MBOAT4: variants seen among roughly 807,000 people sequenced by gnomAD.
The protein encoded by MBOAT4 is membrane-bound ghrelin O-acyltransferase MBOAT4.
In MBOAT4, 11 loss-of-function variants were observed where a neutral mutation model predicts 13.2. The ratio of observed to expected loss-of-function variants is 0.84; its 90% CI spans 0.53 to 1.38. The LOEUF is 1.38. Ranked by LOEUF, MBOAT4 falls within the 40% of genes most tolerant of loss-of-function variation. The pLI is 0.00. For missense variants in MBOAT4, 481 were observed against 527.2 expected (o/e 0.91, Z 0.86); for synonymous variants, 202 against 210.3 (o/e 0.96, Z 0.34).
At position 30,132,509 on chromosome 8, in the gene MBOAT4, C is replaced by A. The variant is rs1175283896; in HGVS notation, c.742G>T (p.Ala248Ser). Residue 248 changes from alanine to serine, a missense_variant, in exon 3 of 3, where the codon GCT becomes TCT. Ala to Ser is a moderately conservative substitution (Grantham distance 99). Coordinates refer to ENST00000320542, the MANE Select transcript of MBOAT4 (RefSeq NM_001100916.2). ...FECIYVVWTT[A>S]GLFKLTYYSH... is the part of the protein sequence containing the mutation. Reference sequence around the variant, plus strand: ...TAGTAGGTGAGCTTGAAAAGCCCAGCTGTGGTCCACACGACATAGATGCAC... The same window carrying A: ...TAGTAGGTGAGCTTGAAAAGCCCAGATGTGGTCCACACGACATAGATGCAC... The A allele has an allele frequency of 6.4e-7, 1 of 1,551,756 alleles. No homozygotes were observed. The highest frequency in any genetic ancestry group is 8.7e-7 in the Non-Finnish European group (1 of 1,147,020).
At chr8:30,134,929 G>C (rs1803106721) in intron 2 of MBOAT4, among the ~76,000 whole-genome samples, 1 of 152,014 alleles carries the variant, frequency 6.6e-6, no homozygotes, top group African/African-American at 2.4e-5. Flanking sequence ...ACCCAGGCTG[G>C]AGTGCAGTGG....
intron 1 of MBOAT4, among the ~76,000 whole-genome samples, chr8:30,142,683 G>A (rs1360927157): frequency 1.3e-5 from 2 of 152,120 alleles, no homozygotes; most frequent in Non-Finnish European, 2.9e-5. Context: ...TCACCCTAAG[G>A]TAACTCCATG....
chr8:30,144,638 T>C lies in MBOAT4; in HGVS notation c.-37A>G. The C allele has an allele frequency of 7.5e-7, 1 of 1,342,212 alleles. No homozygotes were observed. Among genetic ancestry groups the C allele is most frequent in the Non-Finnish European group, 1.0e-6 (1 of 970,302 alleles). The allele number at this position is 1,342,212 out of a possible 1,614,324, so 83.1% of individuals were successfully genotyped here. On this transcript the variant is annotated 5_prime_UTR_variant, in exon 1 of 3. Coordinates refer to ENST00000320542, the MANE Select transcript of MBOAT4 (RefSeq NM_001100916.2). Reference sequence around the variant, plus strand: ...ACAAAAGAGCCTGTCTTTTCCAGTGTCCTTAACTGATGCCTTCCTCCAAGA... The same window carrying C: ...ACAAAAGAGCCTGTCTTTTCCAGTGCCCTTAACTGATGCCTTCCTCCAAGA...
chr8:30,138,559 TACTC>T lies in MBOAT4; in HGVS notation c.313_316del (p.Glu105IlefsTer9). Reference sequence around the variant, plus strand: ...CACAGAAGGAGGCTCATGCAGATAATACTCAGTGTAGTGCAGACCTAGGTGACAC... The same window carrying T: ...CACAGAAGGAGGCTCATGCAGATAATAGTGTAGTGCAGACCTAGGTGACAC... On this transcript the variant is annotated frameshift_variant, in exon 2 of 3. Transcript: ENST00000320542. LOFTEE classifies it low-confidence loss of function (END_TRUNC). 1 of 1,551,278 alleles carries T rather than the reference TACTC, an allele frequency of 6.4e-7. No homozygotes were observed. The highest frequency in any genetic ancestry group is 8.7e-7 in the Non-Finnish European group (1 of 1,146,806).
At chr8:30,132,999 GAT>G in intron 2 of MBOAT4, 93 bp from the exon 3 acceptor site, 8 of 1,290,396 alleles carry the variant, frequency 6.2e-6, no homozygotes, top group African/African-American at 6.0e-5. Context: ...GCAGGAAATA[GAT>G]AGGTCTGTAC....
chr8:30,132,531 G>A lies in MBOAT4; in HGVS notation c.720C>T (p.Cys240=). The A allele has an allele frequency of 6.4e-7, 1 of 1,551,726 alleles. No individual in the cohort carries two copies. The highest frequency in any genetic ancestry group is 8.7e-7 in the Non-Finnish European group (1 of 1,146,996). The change falls in exon 3 of 3, where the codon TGC becomes TGT. Residue 240 remains cysteine (C), a synonymous_variant. Coordinates refer to ENST00000320542, the MANE Select transcript of MBOAT4 (RefSeq NM_001100916.2). ...AGLTDCQQFE[C]IYVVWTTAGL... is the part of the protein sequence containing the mutation. Reference sequence around the variant, plus strand: ...CAGCTGTGGTCCACACGACATAGATGCACTCGAATTGCTGGCAATCAGTCA... The same window carrying A: ...CAGCTGTGGTCCACACGACATAGATACACTCGAATTGCTGGCAATCAGTCA...
intron 2 of MBOAT4, chr8:30,137,363 C>T (rs1321371393): frequency 6.4e-7 from 1 of 1,551,566 alleles, no homozygotes; most frequent in African/African-American, 1.4e-5. Context: ...CCAGCAGCCG[C>T]CATGAGAAGA....
chr8:30,137,687 T>C (rs940029799), intron 2 of MBOAT4: 21 of 595,482 alleles, frequency 3.5e-5, no homozygotes, highest in Non-Finnish European at 5.7e-5. Flanking sequence ...TCCTTGTTCA[T>C]TCCCGGGACT....
At chr8:30,138,484 A>G in intron 2 of MBOAT4, 48 bp downstream of exon 2, 2 of 1,454,840 alleles carry the variant, frequency 1.4e-6, no homozygotes, top group African/African-American at 1.4e-5. Context: ...ACCGTGGTGC[A>G]AGCAAACTGT....
intron 1 of MBOAT4, among the ~76,000 whole-genome samples, chr8:30,142,782 T>A (rs1015123581): frequency 9.9e-5 from 15 of 152,152 alleles, no homozygotes; most frequent in Non-Finnish European, 1.0e-4. Flanking sequence ...GTCCCCCAAC[T>A]CCAATCTCCA....
chr8:30,136,860 G>A (rs1300841067), intron 2 of MBOAT4, among the ~76,000 whole-genome samples: 2 of 151,542 alleles, frequency 1.3e-5, no homozygotes, highest in Non-Finnish European at 2.9e-5. Context: ...GCTAATTTTT[G>A]TATTTTTAGC....
chr8:30,144,365 G>T, intron 1 of MBOAT4, 118 bp downstream of exon 1: 1 of 655,590 alleles, frequency 1.5e-6, no homozygotes, highest in Non-Finnish European at 2.6e-6. Context: ...CAAACCCCTG[G>T]CCTCAAGTGA....
rs1429546515 is a variant in MBOAT4, at chr8:30,132,725, G to GGAGA, written c.522_525dup (p.Leu176SerfsTer60). 17 of 1,551,690 alleles carry GGAGA rather than the reference G, an allele frequency of 1.1e-5. No homozygotes were observed. The highest frequency in any genetic ancestry group is 1.5e-5 in the Non-Finnish European group (17 of 1,147,010). On this transcript the variant is annotated frameshift_variant, in exon 3 of 3. Transcript: ENST00000320542. LOFTEE classifies it low-confidence loss of function (END_TRUNC). ...TGGAAGGAGCACAGAGAGCCTCCCA[G>GGAGA]GAGAGCAGGGAAAAAGAGCAAGTAG...
At chr8:30,138,329 T>A in intron 2 of MBOAT4, 1 of 502,808 alleles carries the variant, frequency 2.0e-6, no homozygotes, top group Non-Finnish European at 3.6e-6. Flanking sequence ...TTCACAACAA[T>A]CTTGCAACAC....
chr8:30,136,989 A>G (rs1266531111), intron 2 of MBOAT4, among the ~76,000 whole-genome samples: 1 of 152,048 alleles, frequency 6.6e-6, no homozygotes, highest in Non-Finnish European at 1.5e-5. Context: ...TGCCTGGCTG[A>G]AAATAGTCTT....
chr8:30,139,634 G>A lies in MBOAT4; in HGVS notation c.120-878C>T, dbSNP rs760255451. Among the ~76,000 whole-genome samples the A allele has an allele frequency of 9.8e-4, 149 of 152,244 alleles. 1 individual carries two copies. Among genetic ancestry groups the A allele is most frequent in the Non-Finnish European group, 8.5e-4 (58 of 68,020 alleles). On this transcript the variant is annotated intron_variant, in intron 1 of 2. Transcript: ENST00000320542. ...TGCACTTTAAGATCTTATGAGTTAG[G>A]ATTTTGTTTTGTTTTATTAAAGTTT...
chr8:30,138,939 C>T (rs1803211073), intron 1 of MBOAT4, among the ~76,000 whole-genome samples, 183 bp from the exon 2 acceptor site: 1 of 151,148 alleles, frequency 6.6e-6, no homozygotes, highest in Admixed American at 6.6e-5. Context: ...GGAGAAGGAG[C>T]CAGGGTAAAT....
chr8:30,132,570 A>C lies in MBOAT4; in HGVS notation c.681T>G (p.Asp227Glu). The C allele has an allele frequency of 6.4e-7, 1 of 1,551,742 alleles. No homozygotes were observed. Among genetic ancestry groups the C allele is most frequent in the Non-Finnish European group, 8.7e-7 (1 of 1,146,998 alleles). The change falls in exon 3 of 3, where the codon GAT (aspartate) becomes GAG (glutamate). Residue 227 changes from aspartate (D) to glutamate (E), a missense_variant. Transcript: ENST00000320542. The part of the protein sequence containing the change: ...CLNVAVSRVV[D>E]AGAGLTDCQQ... Reference sequence around the variant, plus strand: ...GGCAATCAGTCAGTCCCGCTCCTGCATCCACCACCCTGCTCACTGCCACGT... The same window carrying C: ...GGCAATCAGTCAGTCCCGCTCCTGCCTCCACCACCCTGCTCACTGCCACGT...
chr8:30,144,475 C>A lies in MBOAT4; in HGVS notation c.119+8G>T, dbSNP rs1803316381. ...GGATGTAAGAGTAAAAATAGCCATC[C>A]AGCCTACCTGGCACGAGTGGAGAAT... On this transcript the variant is annotated splice_region_variant and intron_variant, in intron 1 of 2. Coordinates refer to ENST00000320542, the MANE Select transcript of MBOAT4 (RefSeq NM_001100916.2). 1.3e-6 allele frequency: 2 copies of A among 1,536,628 alleles called. No homozygotes were observed. Among genetic ancestry groups the A allele is most frequent in the Non-Finnish European group, 1.8e-6 (2 of 1,134,318 alleles).
Sources: allele counts gnomAD v4.1 joint callset (sites outside exome capture counted in the v4.1 genomes callset), GRCh38; gene constraint gnomAD v4.1.1; transcripts MANE v1.5; gene names NCBI Gene and HGNC (gene_info 2026-07-23, HGNC 2026-07-21).